SEPTIN11: variants seen among roughly 807,000 people sequenced by gnomAD.
SEPTIN11 encodes the protein septin 11.
In SEPTIN11, 25 loss-of-function variants were observed where a neutral mutation model predicts 51.4. The observed-to-expected ratio is 0.49, with a 90% CI of 0.35 to 0.68. The LOEUF (loss-of-function observed/expected upper bound fraction) is 0.68. SEPTIN11 is among the 30% of genes least tolerant of loss of function. The pLI is 0.00. For synonymous variants in SEPTIN11, 174 were observed against 184.1 expected (o/e 0.95, Z 0.44); for missense variants, 381 against 520.8 (o/e 0.73, Z 2.61).
intron 2 of SEPTIN11, among the ~76,000 whole-genome samples, chr4:77,002,848 A>T (rs1332528757): frequency 6.6e-6 from 1 of 152,040 alleles, no homozygotes; most frequent in Non-Finnish European, 1.5e-5. Context: ...CCCCATAGAG[A>T]TCTGGAATGA....
intron 6 of SEPTIN11, 22 bp from the exon 7 acceptor site, chr4:77,020,480 C>A: frequency 2.5e-6 from 4 of 1,611,558 alleles, no homozygotes; most frequent in Non-Finnish European, 3.4e-6. Flanking sequence ...CCCACTTCCG[C>A]CATTTCCCCC....
chr4:77,013,797 C>T (rs1725033714), intron 4 of SEPTIN11, among the ~76,000 whole-genome samples: 1 of 152,146 alleles, frequency 6.6e-6, no homozygotes, highest in South Asian at 2.1e-4. Context: ...GAACACCTCC[C>T]GAAAGACTCT....
Position 77,016,633 on chromosome 4 carries a change from C to CATATATATATATATATATATATACACAT in SEPTIN11, c.687+1631_687+1658dup, listed in dbSNP as rs1400255748. Among the ~76,000 whole-genome samples the CATATATATATATATATATATATACACAT allele has an allele frequency of 2.7e-3, 199 of 72,712 alleles. 4 individuals carry two copies. The highest frequency in any genetic ancestry group is 9.7e-3 in the African/African-American group (185 of 19,048). The allele number at this position is 72,712 out of a possible 152,430, so 47.7% of individuals were successfully genotyped here. A position where few individuals can be genotyped will look rare whatever the true frequency, so the allele number is the denominator to read the frequency against. The stretch of plus-strand genomic sequence containing the variant: ...ATATACACATATATATATATATACA[C>CATATATATATATATATATATATACACAT]ATATATATATATATATATATATACA... On this transcript the variant is annotated intron_variant, in intron 5 of 9. Transcript: ENST00000264893.
intron 1 of SEPTIN11, among the ~76,000 whole-genome samples, chr4:76,989,877 T>C (rs1271635828): frequency 6.6e-6 from 1 of 152,194 alleles, no homozygotes; most frequent in Non-Finnish European, 1.5e-5. Context: ...TGTAAGTGTA[T>C]CTGGAGTTTG....
In SEPTIN11 at chr4:77,016,655, T is replaced by TATATATAC. The variant is rs1553975019; in HGVS notation, c.687+1639_687+1640insTATATACA. ...ACACATATATATATATATATATATA[T>TATATATAC]ACACATATATATATATATATGGCCA... On this transcript the variant is annotated intron_variant, in intron 5 of 9. Transcript: ENST00000264893. Among the ~76,000 whole-genome samples, 28 of 109,042 alleles carry TATATATAC rather than the reference T, an allele frequency of 2.6e-4. 2 individuals are homozygous for TATATATAC. The highest frequency in any genetic ancestry group is 8.6e-4 in the African/African-American group (26 of 30,182). The allele number at this position is 109,042 out of a possible 152,430, so 71.5% of individuals were successfully genotyped here.
intron 1 of SEPTIN11, among the ~76,000 whole-genome samples, chr4:76,972,090 C>T (rs971137975): frequency 6.6e-6 from 1 of 152,310 alleles, no homozygotes; most frequent in African/African-American, 2.4e-5. Flanking sequence ...ATTTATTTCT[C>T]TGCAAATAAC....
Position 77,034,801 on chromosome 4 carries a change from G to T in SEPTIN11, c.*289G>T. On this transcript the variant is annotated 3_prime_UTR_variant, in exon 10 of 10. Transcript: ENST00000264893. ...GCAGCACGAAGCAGGCCTGTTACTT[G>T]TATGTCGCTTTGGACAGAGGAAAGT... is the stretch of plus-strand genomic sequence containing the variant. 9.0e-7 allele frequency: 1 copy of T among 1,116,800 alleles called. No individual in the cohort carries two copies. Among genetic ancestry groups the T allele is most frequent in the Non-Finnish European group, 1.1e-6 (1 of 914,970 alleles). 69.2% of individuals were successfully genotyped at this position (1,116,800 alleles called of 1,614,324 possible).
At chr4:76,964,569 A>C (rs1721956636) in intron 1 of SEPTIN11, among the ~76,000 whole-genome samples, 1 of 152,210 alleles carries the variant, frequency 6.6e-6, no homozygotes, top group Admixed American at 6.5e-5. Context: ...TTAAAAAGAA[A>C]GGATGAAGTA....
intron 2 of SEPTIN11, among the ~76,000 whole-genome samples, chr4:77,003,003 C>G (rs1222380985): frequency 6.6e-6 from 1 of 152,220 alleles, no homozygotes; most frequent in Non-Finnish European, 1.5e-5. Flanking sequence ...TCTATCTGCT[C>G]TTTCCTGTAT....
In SEPTIN11 at chr4:77,029,314, A is replaced by ACATTC. The variant is rs1217547339; in HGVS notation, c.1086+554_1086+558dup. Among the ~76,000 whole-genome samples, 14 of 152,104 alleles carry ACATTC rather than the reference A, an allele frequency of 9.2e-5. No individual in the cohort carries two copies. The East Asian group carries it at 2.7e-3, about 29-fold the overall frequency. ...GAAGTTAACATAGATTTATACTATA[A>ACATTC]CATTCATCCCATTGTATTTGAGTGT... On this transcript the variant is annotated intron_variant, in intron 8 of 9. Coordinates refer to ENST00000264893, the MANE Select transcript of SEPTIN11 (RefSeq NM_018243.4).
chr4:77,005,499 T>C, intron 2 of SEPTIN11, 102 bp from the exon 3 acceptor site: 8 of 1,108,300 alleles, frequency 7.2e-6, no homozygotes, highest in Non-Finnish European at 1.0e-5. Flanking sequence ...AGTTTTTCTT[T>C]TTTAAACTTT....
chr4:77,000,692 T>C (rs1724053929), intron 2 of SEPTIN11, among the ~76,000 whole-genome samples: 2 of 152,322 alleles, frequency 1.3e-5, no homozygotes, highest in South Asian at 2.1e-4. Context: ...AATTTCTCCA[T>C]GGATTTTCAG....
intron 9 of SEPTIN11, 28 bp from the exon 10 acceptor site, chr4:77,034,469 C>A: frequency 6.6e-7 from 1 of 1,506,858 alleles, no homozygotes; most frequent in Non-Finnish European, 8.8e-7. Flanking sequence ...TTATTTCTAA[C>A]TTTTTTGTTT....
At position 77,036,736 on chromosome 4, in the gene SEPTIN11, T is replaced by C. The variant is rs1399401222; in HGVS notation, c.*2224T>C. 12 of 1,535,090 alleles carry C rather than the reference T, an allele frequency of 7.8e-6. No individual in the cohort carries two copies. In the Admixed American group the frequency reaches 2.4e-4, roughly 30 times the overall value. ...TTTAGTTTGTTATTGCTGCTTTTCT[T>C]TTTTCTTTCTGTATCTATGCCTTTT... On this transcript the variant is annotated 3_prime_UTR_variant, in exon 10 of 10. Coordinates refer to ENST00000264893, the MANE Select transcript of SEPTIN11 (RefSeq NM_018243.4).
intron 4 of SEPTIN11, among the ~76,000 whole-genome samples, chr4:77,013,485 C>G (rs1185552409): frequency 1.3e-5 from 2 of 152,230 alleles, no homozygotes; most frequent in African/African-American, 4.8e-5. Context: ...GAGTGAATCT[C>G]TGCCATTTTG....
chr4:76,980,442 G>C (rs920769014), intron 1 of SEPTIN11, among the ~76,000 whole-genome samples: 1 of 152,200 alleles, frequency 6.6e-6, no homozygotes, highest in African/African-American at 2.4e-5. Context: ...AGGAATCGTG[G>C]GGAATTGCTG....
At chr4:76,996,375 C>A in intron 1 of SEPTIN11, 50 bp from the exon 2 acceptor site, 1 of 1,221,954 alleles carries the variant, frequency 8.2e-7, no homozygotes, top group Non-Finnish European at 1.2e-6. Flanking sequence ...ATGTGATATC[C>A]AGGTGGCATG....
At chr4:76,959,397 A>T (rs1187764651) in intron 1 of SEPTIN11, among the ~76,000 whole-genome samples, 1 of 151,720 alleles carries the variant, frequency 6.6e-6, no homozygotes, top group Non-Finnish European at 1.5e-5. Context: ...TACAGTTATG[A>T]GCCACGGGCA....
intron 2 of SEPTIN11, among the ~76,000 whole-genome samples, chr4:76,997,803 A>G (rs1428534614): frequency 2.6e-5 from 4 of 152,198 alleles, no homozygotes; most frequent in African/African-American, 4.8e-5. Context: ...TAGCATAGCA[A>G]TTTGTTGGCA....
Sources: allele counts gnomAD v4.1 joint callset (sites outside exome capture counted in the v4.1 genomes callset), GRCh38; gene constraint gnomAD v4.1.1; transcripts MANE v1.5; gene names NCBI Gene and HGNC (gene_info 2026-07-23, HGNC 2026-07-21).